Variants in PRKACB observed in about 807,000 individuals in gnomAD.
PRKACB encodes protein kinase cAMP-activated catalytic subunit beta.
A neutral mutation model predicts 51.4 loss-of-function variants in PRKACB; 16 were observed. The ratio of observed to expected loss-of-function variants is 0.31; its 90% CI spans 0.21 to 0.47. The LOEUF is 0.47. Ranked by LOEUF, PRKACB falls within the 20% of genes least tolerant of loss-of-function variation. PRKACB has a pLI of 1.00. For synonymous variants in PRKACB, 147 were observed against 154.4 expected (o/e 0.95, Z 0.35); for missense variants, 309 against 464.5 (o/e 0.67, Z 3.08).
intron 1 of PRKACB, among the ~76,000 whole-genome samples, chr1:84,115,486 T>C (rs372040724): frequency 6.6e-6 from 1 of 152,142 alleles, no homozygotes; most frequent in East Asian, 1.9e-4. Flanking sequence ...CTCTTCACCC[T>C]GTTGATTATT....
At chr1:84,230,550 C>T (rs1316654717) in intron 9 of PRKACB, among the ~76,000 whole-genome samples, 2 of 152,138 alleles carry the variant, frequency 1.3e-5, no homozygotes, top group African/African-American at 4.8e-5. Context: ...GATACTGATT[C>T]TTCCTACCCA....
Position 84,235,248 on chromosome 1 carries a change from A to G in PRKACB, c.1140A>G (p.Glu380=). Residue 380 remains glutamate (E), a synonymous_variant, in exon 10 of 10, where the codon GAA becomes GAG. Coordinates refer to ENST00000370685, the MANE Select transcript of PRKACB (RefSeq NM_182948.4). ...CCAGCAACTTTGATGACTATGAAGA[A>G]GAAGATATCCGTGTCTCTATAACAG... ...GDTSNFDDYE[E]EDIRVSITEK... 2 of 1,614,130 alleles carry G rather than the reference A, an allele frequency of 1.2e-6. No individual in the cohort carries two copies. The highest frequency in any genetic ancestry group is 2.7e-5 in the African/African-American group (2 of 75,060).
chr1:84,203,635 A>G (rs993213247), intron 8 of PRKACB, among the ~76,000 whole-genome samples: 4 of 151,900 alleles, frequency 2.6e-5, no homozygotes, highest in South Asian at 2.1e-4. Flanking sequence ...GACAAAATAT[A>G]TGGGAAGGGA....
chr1:84,160,099 T>C (rs773825957), intron 1 of PRKACB, among the ~76,000 whole-genome samples: 3 of 152,096 alleles, frequency 2.0e-5, no homozygotes, highest in Admixed American at 6.6e-5. Context: ...GAAGTGTTCC[T>C]GCCACTTCTG....
intron 7 of PRKACB, among the ~76,000 whole-genome samples, chr1:84,201,089 C>T (rs1669979654): frequency 1.3e-5 from 2 of 151,936 alleles, no homozygotes; most frequent in Admixed American, 6.6e-5. Flanking sequence ...ATTACTGGGT[C>T]AAGGAATAGG....
chr1:84,192,252 A>T (rs1258368271), intron 5 of PRKACB, among the ~76,000 whole-genome samples: 4 of 152,120 alleles, frequency 2.6e-5, no homozygotes, highest in African/African-American at 9.7e-5. Context: ...TTAGCAATAT[A>T]CTGGAATAGA....
In PRKACB at chr1:84,110,578, A is replaced by G. The variant is rs1047047167; in HGVS notation, c.46+32207A>G. On this transcript the variant is annotated intron_variant, in intron 1 of 8. Coordinates refer to the PRKACB transcript ENST00000370688. ...TTACGCCTCAAATCCTCTGAGGCTG[A>G]TATCTATTCCTTCCTGCCGTGGCAA... Among the ~76,000 whole-genome samples the G allele has an allele frequency of 4.6e-5, 7 of 151,910 alleles. 1 individual carries two copies. Among genetic ancestry groups the G allele is most frequent in the African/African-American group, 1.4e-4 (6 of 41,398 alleles).
intron 9 of PRKACB, among the ~76,000 whole-genome samples, chr1:84,214,723 G>A (rs563162645): frequency 1.9e-4 from 29 of 152,166 alleles, no homozygotes; most frequent in African/African-American, 6.5e-4. Flanking sequence ...TTGAACTCCT[G>A]ACCTCAAGTG....
intron 9 of PRKACB, among the ~76,000 whole-genome samples, chr1:84,214,722 T>G (rs1218181071): frequency 2.0e-5 from 3 of 152,136 alleles, no homozygotes; most frequent in Admixed American, 6.6e-5. Context: ...CTTGAACTCC[T>G]GACCTCAAGT....
intron 1 of PRKACB, among the ~76,000 whole-genome samples, chr1:84,096,802 T>C (rs1227299352): frequency 1.3e-5 from 2 of 152,190 alleles, no homozygotes; most frequent in Admixed American, 6.5e-5. Flanking sequence ...AGCTTATAGA[T>C]TGAAGAGGGT....
In PRKACB at chr1:84,237,608, C is replaced by G. The variant is rs1676768491; in HGVS notation, c.*2303C>G. The stretch of plus-strand genomic sequence containing the variant: ...TCAAGGGAGTCAATTTCTGACCAAT[C>G]AAGTACACTAAATTAGAATATTTTT... On this transcript the variant is annotated 3_prime_UTR_variant, in exon 10 of 10. Transcript: ENST00000370685. The G allele has an allele frequency of 6.6e-6, 1 of 152,084 alleles. No individual in the cohort carries two copies. Among genetic ancestry groups the G allele is most frequent in the Non-Finnish European group, 1.5e-5 (1 of 67,972 alleles). The allele number at this position is 152,084 out of a possible 1,614,324, so 9.4% of individuals were successfully genotyped here. A position where few individuals can be genotyped will look rare whatever the true frequency, so the allele number is the denominator to read the frequency against.
At chr1:84,224,826 G>A (rs1398394860) in intron 9 of PRKACB, among the ~76,000 whole-genome samples, 1 of 152,230 alleles carries the variant, frequency 6.6e-6, no homozygotes, top group African/African-American at 2.4e-5. Flanking sequence ...CAAGCCTCCA[G>A]ACAGTGCACT....
At chr1:84,119,760 A>G (rs1271477484) in intron 1 of PRKACB, among the ~76,000 whole-genome samples, 2 of 152,132 alleles carry the variant, frequency 1.3e-5, no homozygotes, top group African/African-American at 2.4e-5. Flanking sequence ...CACATATAGC[A>G]TAGCAAGGTG....
Position 84,236,171 on chromosome 1 carries a change from T to C in PRKACB, c.*866T>C, listed in dbSNP as rs1318838280. On this transcript the variant is annotated 3_prime_UTR_variant, in exon 10 of 10. Transcript: ENST00000370685. ...TTAAGGATTTTAGCCAGTATTTTAA[T>C]AGAACATGATTAATGAAAGTGACAA... 6.6e-6 allele frequency: 1 copy of C among 152,644 alleles called. No individual in the cohort carries two copies. The highest frequency in any genetic ancestry group is 2.4e-5 in the African/African-American group (1 of 41,442). 9.5% of individuals were successfully genotyped at this position (152,644 alleles called of 1,614,324 possible). A position where few individuals can be genotyped will look rare whatever the true frequency, so the allele number is the denominator to read the frequency against.
intron 5 of PRKACB, among the ~76,000 whole-genome samples, chr1:84,192,212 C>A (rs1667007649): frequency 6.6e-6 from 1 of 151,634 alleles, no homozygotes; most frequent in African/African-American, 2.4e-5. Context: ...AGTATGTGAA[C>A]TAAATTATAG....
At chr1:84,234,306 G>C (rs948827757) in intron 9 of PRKACB, among the ~76,000 whole-genome samples, 3 of 152,222 alleles carry the variant, frequency 2.0e-5, no homozygotes, top group Non-Finnish European at 4.4e-5. Context: ...GAGAACCACT[G>C]CTCTCTTCAA....
At chr1:84,141,192 T>C (rs924289206), upstream of PRKACB, among the ~76,000 whole-genome samples, 5 of 152,072 alleles carry the variant, frequency 3.3e-5, no homozygotes, top group Admixed American at 6.5e-5. Flanking sequence ...AAATCTTATT[T>C]AACTACAAGA....
chr1:84,147,795 C>T (rs1654305073), intron 1 of PRKACB, among the ~76,000 whole-genome samples: 1 of 151,958 alleles, frequency 6.6e-6, no homozygotes, highest in African/African-American at 2.4e-5. Flanking sequence ...AAAATATGAA[C>T]ATTTAGAACT....
intron 1 of PRKACB, among the ~76,000 whole-genome samples, chr1:84,097,839 T>C (rs1649043265): frequency 6.6e-6 from 1 of 152,098 alleles, no homozygotes; most frequent in African/African-American, 2.4e-5. Flanking sequence ...TCCACCTTTT[T>C]GTTATATTCA....
Sources: allele counts gnomAD v4.1 joint callset (sites outside exome capture counted in the v4.1 genomes callset), GRCh38; gene constraint gnomAD v4.1.1; transcripts MANE v1.5; gene names NCBI Gene and HGNC (gene_info 2026-07-23, HGNC 2026-07-21).